MYT1L: variants seen among roughly 807,000 people sequenced by gnomAD.
The protein encoded by MYT1L is myelin transcription factor 1-like protein.
A neutral mutation model predicts 126.7 loss-of-function variants in MYT1L; 12 were observed. That is an observed-to-expected ratio of 0.09 (90% CI 0.06 to 0.15). The LOEUF is 0.15. MYT1L is among the 10% of genes least tolerant of loss of function. MYT1L has a pLI of 1.00. For missense variants in MYT1L, 979 were observed against 1,585.2 expected (o/e 0.62, Z 6.49); for synonymous variants, 541 against 604.2 (o/e 0.90, Z 1.53).
chr2:2,213,146 G>A (rs2093579548), intron 2 of MYT1L, among the ~76,000 whole-genome samples: 2 of 152,142 alleles, frequency 1.3e-5, no homozygotes, highest in African/African-American at 2.4e-5. Flanking sequence ...AAGCAAAAAT[G>A]CAAACGGACA....
At chr2:2,064,291 C>A (rs1204911221) in intron 3 of MYT1L, among the ~76,000 whole-genome samples, 1 of 152,110 alleles carries the variant, frequency 6.6e-6, no homozygotes, top group Non-Finnish European at 1.5e-5. Flanking sequence ...AGCTTCAGAC[C>A]CCCTGAGTAC....
intron 5 of MYT1L, among the ~76,000 whole-genome samples, chr2:1,987,020 G>A (rs2061086107): frequency 6.6e-6 from 1 of 152,102 alleles, no homozygotes; most frequent in South Asian, 2.1e-4. Flanking sequence ...AATAGATGTT[G>A]TTTCAGCCCT....
At chr2:1,990,452 CTGTAA>C (rs1250683073) in intron 5 of MYT1L, among the ~76,000 whole-genome samples, 3 of 152,206 alleles carry the variant, frequency 2.0e-5, no homozygotes, top group African/African-American at 7.2e-5. Flanking sequence ...AAGCACCAAG[CTGTAA>C]CCCAAGACAG....
At chr2:2,253,852 G>GGTCTCT (rs2094730140) in intron 2 of MYT1L, among the ~76,000 whole-genome samples, 1 of 152,162 alleles carries the variant, frequency 6.6e-6, no homozygotes, top group African/African-American at 2.4e-5. Context: ...AATCATTCCA[G>GGTCTCT]CCACTGCCAC....
intron 3 of MYT1L, among the ~76,000 whole-genome samples, chr2:2,112,854 C>A (rs1466283016): frequency 6.6e-6 from 1 of 152,154 alleles, no homozygotes; most frequent in Non-Finnish European, 1.5e-5. Context: ...AACCATGCAG[C>A]CTCCCGCGAG....
intron 15 of MYT1L, among the ~76,000 whole-genome samples, chr2:1,890,172 C>A (rs551344250): frequency 6.6e-6 from 1 of 151,726 alleles, no homozygotes; most frequent in Admixed American, 6.6e-5. Context: ...CAGGTTCAAG[C>A]AATTCTCCTG....
At chr2:2,088,755 T>C (rs2076606658) in intron 3 of MYT1L, among the ~76,000 whole-genome samples, 1 of 152,242 alleles carries the variant, frequency 6.6e-6, no homozygotes, top group Non-Finnish European at 1.5e-5. Flanking sequence ...ATAATACTTT[T>C]AAAGAAAGAA....
intron 2 of MYT1L, among the ~76,000 whole-genome samples, chr2:2,264,028 C>T (rs1422891377): frequency 6.6e-6 from 1 of 152,114 alleles, no homozygotes; most frequent in Non-Finnish European, 1.5e-5. Flanking sequence ...AAAAATCTTG[C>T]ATTTATAGAA....
In MYT1L at chr2:2,206,950, C is replaced by G. The variant is rs185798632; in HGVS notation, c.-420-33962G>C. Among the ~76,000 whole-genome samples the G allele has an allele frequency of 6.6e-5, 10 of 152,286 alleles. No individual in the cohort carries two copies. In the East Asian group the frequency reaches 1.7e-3, roughly 26 times the overall value. Reference sequence around the variant, plus strand: ...GCATTGTAGGAGTCCAGTGGGAAGACTTCATTCCCTATGGAGAAAGCATTC... The same window carrying G: ...GCATTGTAGGAGTCCAGTGGGAAGAGTTCATTCCCTATGGAGAAAGCATTC... On this transcript the variant is annotated intron_variant, in intron 2 of 24. Transcript: ENST00000647738.
intron 18 of MYT1L, among the ~76,000 whole-genome samples, chr2:1,881,931 T>C (rs1429897423): frequency 2.0e-5 from 3 of 152,078 alleles, no homozygotes; most frequent in Non-Finnish European, 4.4e-5. Flanking sequence ...GCTCGGGCTT[T>C]GCCCTGATTT....
intron 11 of MYT1L, among the ~76,000 whole-genome samples, chr2:1,916,599 T>C (rs1167163197): frequency 1.3e-5 from 2 of 152,238 alleles, no homozygotes; most frequent in Non-Finnish European, 2.9e-5. Context: ...TTATTCCACA[T>C]GATCAGAACC....
intron 2 of MYT1L, among the ~76,000 whole-genome samples, chr2:2,266,446 G>T (rs529448519): frequency 6.6e-6 from 1 of 152,270 alleles, no homozygotes; most frequent in East Asian, 1.9e-4. Flanking sequence ...TTCTGGATTT[G>T]TGTGGAAGCC....
At chr2:1,956,573 A>ATTCT (rs200677911) in intron 8 of MYT1L, among the ~76,000 whole-genome samples, 21,234 of 106,358 alleles carry the variant, frequency 0.2, 2,345 homozygotes, top group African/African-American at 0.28. Context: ...TATATTTCCT[A>ATTCT]TTCTATCTAT....
chr2:1,859,664 G>C (rs1226281681), intron 18 of MYT1L, among the ~76,000 whole-genome samples: 1 of 152,228 alleles, frequency 6.6e-6, no homozygotes, highest in Non-Finnish European at 1.5e-5. Context: ...GGTATCACCC[G>C]CTGACAGCAG....
chr2:2,265,472 A>G (rs1328499146), intron 2 of MYT1L, among the ~76,000 whole-genome samples: 2 of 152,160 alleles, frequency 1.3e-5, no homozygotes, highest in East Asian at 1.9e-4. Flanking sequence ...CGAGTCCTTG[A>G]GCTCAAAGAG....
At chr2:2,313,462 A>T (rs1419299382) in intron 1 of MYT1L, among the ~76,000 whole-genome samples, 3 of 152,152 alleles carry the variant, frequency 2.0e-5, no homozygotes, top group Non-Finnish European at 1.5e-5. Context: ...AGCAGATAAC[A>T]AATCTCACAT....
At chr2:1,865,265 C>T (rs2045305416) in intron 18 of MYT1L, among the ~76,000 whole-genome samples, 1 of 152,140 alleles carries the variant, frequency 6.6e-6, no homozygotes, top group Non-Finnish European at 1.5e-5. Flanking sequence ...GGCTGAGGGA[C>T]ACCCCCTCCA....
At chr2:1,932,234 G>A (rs1455902580) in intron 9 of MYT1L, among the ~76,000 whole-genome samples, 1 of 152,172 alleles carries the variant, frequency 6.6e-6, no homozygotes, top group Admixed American at 6.5e-5. Flanking sequence ...ATTTAAGATA[G>A]GAGGCATTTA....
intron 3 of MYT1L, among the ~76,000 whole-genome samples, chr2:2,054,998 G>T (rs2069322867): frequency 6.6e-6 from 1 of 152,206 alleles, no homozygotes; most frequent in African/African-American, 2.4e-5. Flanking sequence ...GAGATAAGAT[G>T]AGAGGGATGG....
Sources: gnomAD v4.1 joint callset for allele counts (sites outside exome capture counted in the v4.1 genomes callset) on GRCh38, gnomAD v4.1.1 for gene constraint, MANE v1.5 for transcripts, NCBI Gene and HGNC (gene_info 2026-07-23, HGNC 2026-07-21) for gene names.